NRXN3: variants seen among roughly 807,000 people sequenced by gnomAD.
NRXN3 encodes neurexin 3.
In NRXN3, 32 loss-of-function variants were observed where a neutral mutation model predicts 137.6. That is an observed-to-expected ratio of 0.23 (90% CI 0.18 to 0.31). The LOEUF is 0.31. NRXN3 is among the 10% of genes least tolerant of loss of function. NRXN3 has a pLI of 1.00. For missense variants in NRXN3, 1,574 were observed against 2,062.5 expected (o/e 0.76, Z 4.59); for synonymous variants, 798 against 784.5 (o/e 1.02, Z -0.29).
intron 15 of NRXN3, among the ~76,000 whole-genome samples, chr14:79,378,990 A>G (rs1316477740): frequency 6.6e-6 from 1 of 152,114 alleles, no homozygotes; most frequent in Non-Finnish European, 1.5e-5. Flanking sequence ...AGTACTTCAT[A>G]CGTTGTGTTA....
At chr14:78,241,883 C>T (rs2067129551) in intron 1 of NRXN3, among the ~76,000 whole-genome samples, 1 of 151,968 alleles carries the variant, frequency 6.6e-6, no homozygotes, top group Non-Finnish European at 1.5e-5. Context: ...ACTCACCTTC[C>T]AGTTTATTTT....
At chr14:78,704,931 G>A (rs2098330437) in intron 6 of NRXN3, among the ~76,000 whole-genome samples, 1 of 152,148 alleles carries the variant, frequency 6.6e-6, no homozygotes, top group Non-Finnish European at 1.5e-5. Context: ...GATCATGGAG[G>A]AATATAAGTA....
At chr14:79,164,935 A>T (rs2061152326) in intron 15 of NRXN3, among the ~76,000 whole-genome samples, 1 of 152,104 alleles carries the variant, frequency 6.6e-6, no homozygotes, top group African/African-American at 2.4e-5. Context: ...TGTATTACTT[A>T]TGTTATAATT....
intron 19 of NRXN3, among the ~76,000 whole-genome samples, chr14:79,768,743 C>T (rs1024448270): frequency 1.3e-5 from 2 of 152,216 alleles, no homozygotes; most frequent in African/African-American, 4.8e-5. Flanking sequence ...AATGCAGTTC[C>T]TCACCAGCAA....
intron 15 of NRXN3, among the ~76,000 whole-genome samples, chr14:79,268,059 A>G (rs2153420784): frequency 6.6e-6 from 1 of 152,362 alleles, no homozygotes; most frequent in Non-Finnish European, 1.5e-5. Context: ...TGGTAAATTT[A>G]TTCAACTAAT....
chr14:78,809,727 G>T (rs951675652), intron 9 of NRXN3, among the ~76,000 whole-genome samples: 1 of 152,114 alleles, frequency 6.6e-6, no homozygotes, highest in Non-Finnish European at 1.5e-5. Flanking sequence ...AGGAGAGGGT[G>T]GAGGGAGTTT....
intron 1 of NRXN3, among the ~76,000 whole-genome samples, chr14:78,198,435 T>C (rs2061411509): frequency 6.6e-6 from 1 of 152,152 alleles, no homozygotes; most frequent in South Asian, 2.1e-4. Flanking sequence ...AGTTGGAAAA[T>C]TGAGCTGCTA....
chr14:78,569,108 C>CA (rs1408729893), intron 4 of NRXN3, among the ~76,000 whole-genome samples: 14 of 151,282 alleles, frequency 9.3e-5, no homozygotes, highest in African/African-American at 3.4e-4. Flanking sequence ...GCTGGGACTA[C>CA]AGGCGCCAGC....
At chr14:79,492,690 A>T (rs901306831) in intron 16 of NRXN3, among the ~76,000 whole-genome samples, 1 of 152,072 alleles carries the variant, frequency 6.6e-6, no homozygotes, top group African/African-American at 2.4e-5. Context: ...CTAATGTATC[A>T]TTTTCTAGAA....
chr14:79,148,649 C>A (rs2059525428), intron 15 of NRXN3, among the ~76,000 whole-genome samples: 1 of 152,154 alleles, frequency 6.6e-6, no homozygotes, highest in Non-Finnish European at 1.5e-5. Flanking sequence ...CTGATTTTCT[C>A]ATCTCCCTTG....
chr14:78,910,263 C>T (rs919563804), intron 10 of NRXN3, among the ~76,000 whole-genome samples: 2 of 152,062 alleles, frequency 1.3e-5, no homozygotes, highest in Non-Finnish European at 2.9e-5. Flanking sequence ...CTGCCTCCAC[C>T]TCTCACTGGC....
intron 6 of NRXN3, among the ~76,000 whole-genome samples, chr14:78,689,635 A>G (rs1423395921): frequency 6.6e-6 from 1 of 152,194 alleles, no homozygotes; most frequent in Non-Finnish European, 1.5e-5. Flanking sequence ...GCTATAATAA[A>G]CATATGTAGA....
intron 10 of NRXN3, among the ~76,000 whole-genome samples, chr14:78,870,135 T>C (rs555990034): frequency 1.3e-5 from 2 of 152,294 alleles, no homozygotes; most frequent in Non-Finnish European, 2.9e-5. Context: ...CAGTTCTTAC[T>C]AAACTGACTT....
At chr14:78,811,105 T>C (rs570513904) in intron 10 of NRXN3, among the ~76,000 whole-genome samples, 3 of 152,252 alleles carry the variant, frequency 2.0e-5, no homozygotes, top group African/African-American at 7.2e-5. Flanking sequence ...GCCTAGATGA[T>C]GAAAGGAACA....
intron 16 of NRXN3, among the ~76,000 whole-genome samples, chr14:79,563,679 AG>A (rs1287428191): frequency 7.0e-6 from 1 of 143,794 alleles, no homozygotes; most frequent in Admixed American, 7.0e-5. Context: ...AAAAAAAAAA[AG>A]GAGAAAGCAT....
chr14:78,777,661 A>G (rs1431437627), intron 8 of NRXN3, among the ~76,000 whole-genome samples: 1 of 152,236 alleles, frequency 6.6e-6, no homozygotes, highest in Non-Finnish European at 1.5e-5. Flanking sequence ...TGGTCAAACA[A>G]TGGCAACCCC....
intron 15 of NRXN3, among the ~76,000 whole-genome samples, chr14:79,105,463 C>G (rs1009721436): frequency 2.0e-5 from 3 of 152,100 alleles, no homozygotes; most frequent in African/African-American, 7.2e-5. Flanking sequence ...ACTTGCATCT[C>G]AAAACAATAC....
rs138406856 is a variant in NRXN3 at position 78,489,431 on chromosome 14, T to C, written c.758-155689T>C. Among the ~76,000 whole-genome samples, 452 of 152,204 alleles carry C rather than the reference T, an allele frequency of 3.0e-3. 3 individuals carry two copies. Among genetic ancestry groups the C allele is most frequent in the Non-Finnish European group, 5.2e-3 (352 of 68,014 alleles). On this transcript the variant is annotated intron_variant, in intron 4 of 20. Transcript: ENST00000335750. ...GGCTAATGTAAGTGTGCCCTGTGGA[T>C]GTGCAATTTAGAGGGAGGAATGGGA...
chr14:78,444,611 T>C (rs1598751139), intron 4 of NRXN3, among the ~76,000 whole-genome samples: 1 of 152,106 alleles, frequency 6.6e-6, no homozygotes, highest in East Asian at 1.9e-4. Context: ...ATGGATCTGA[T>C]GTCCATTATC....
Sources: allele counts gnomAD v4.1 joint callset (sites outside exome capture counted in the v4.1 genomes callset), GRCh38; gene constraint gnomAD v4.1.1; transcripts MANE v1.5; gene names NCBI Gene and HGNC (gene_info 2026-07-23, HGNC 2026-07-21).